Variants in DOCK8 observed in about 807,000 individuals in gnomAD.
DOCK8 encodes dedicator of cytokinesis 8.
A neutral mutation model predicts 245.6 loss-of-function variants in DOCK8; 141 were observed. The observed-to-expected ratio is 0.57, with a 90% CI of 0.50 to 0.66. The LOEUF (loss-of-function observed/expected upper bound fraction) is 0.66, where lower values mean the gene tolerates loss of function less well. DOCK8 is among the 30% of genes least tolerant of loss of function. DOCK8 has a pLI of 0.00. For synonymous variants in DOCK8, 1,168 were observed against 970.2 expected (o/e 1.20, Z -3.79); for missense variants, 2,965 against 2,603.4 (o/e 1.14, Z -3.02).
At chr9:236,193 T>C (rs183054956) in intron 1 of DOCK8, among the ~76,000 whole-genome samples, 21 of 152,306 alleles carry the variant, frequency 1.4e-4, no homozygotes, top group Admixed American at 1.4e-3. Context: ...TTCATCCTTA[T>C]GGTCACAGGA....
At chr9:378,353 AAGTC>A (rs2053601725) in intron 20 of DOCK8, among the ~76,000 whole-genome samples, 1 of 152,232 alleles carries the variant, frequency 6.6e-6, no homozygotes, top group African/African-American at 2.4e-5. Flanking sequence ...GTCAGGAAGA[AAGTC>A]AGTAGCACAG....
At chr9:258,262 A>G (rs1241001125) in intron 1 of DOCK8, among the ~76,000 whole-genome samples, 3 of 152,244 alleles carry the variant, frequency 2.0e-5, no homozygotes, top group South Asian at 4.1e-4. Flanking sequence ...TAAGTCACAC[A>G]GACATGCTGC....
intron 1 of DOCK8, among the ~76,000 whole-genome samples, chr9:223,867 C>T (rs1467792389): frequency 6.6e-6 from 1 of 151,912 alleles, no homozygotes; most frequent in African/African-American, 2.4e-5. Context: ...CCTGAGAGTA[C>T]TAACACAAAG....
At chr9:228,725 G>T (rs1587620716) in intron 1 of DOCK8, among the ~76,000 whole-genome samples, 1 of 152,148 alleles carries the variant, frequency 6.6e-6, no homozygotes, top group Non-Finnish European at 1.5e-5. Flanking sequence ...CCACCCCAAA[G>T]TTTAGTGACT....
rs1459765941 is a variant in DOCK8 at position 428,594 on chromosome 9, A to T, written c.4473+98A>T. On this transcript the variant is annotated intron_variant, in intron 35 of 47. Transcript: ENST00000432829. ...TCAGGTGGACCAAAAGTCACAGAGC[A>T]TATTAAGTGGCATCACAGTAAAGGT... The T allele has an allele frequency of 6.9e-6, 10 of 1,456,052 alleles. No homozygotes were observed. The Admixed American group carries it at 1.8e-4, about 26-fold the overall frequency. 90.2% of individuals were successfully genotyped at this position (1,456,052 alleles called of 1,614,324 possible). A position where few individuals can be genotyped will look rare whatever the true frequency, so the allele number is the denominator to read the frequency against.
chr9:460,566 T>C (rs1261399001), intron 46 of DOCK8: 1 of 152,254 alleles, frequency 6.6e-6, no homozygotes, highest in Non-Finnish European at 1.5e-5. Context: ...TTCTATTTCT[T>C]CCCTAAAACC....
chr9:291,316 A>T (rs2049027600), intron 4 of DOCK8, among the ~76,000 whole-genome samples: 1 of 152,106 alleles, frequency 6.6e-6, no homozygotes. Flanking sequence ...CTCTTTTTGG[A>T]ATACTCGTTG....
In DOCK8 at chr9:400,052, T is replaced by C. The variant is rs866469071; in HGVS notation, c.3234+793T>C. Among the ~76,000 whole-genome samples, 159 of 32,864 alleles carry C rather than the reference T, an allele frequency of 4.8e-3. 2 individuals carry two copies. The highest frequency in any genetic ancestry group is 0.013 in the African/African-American group (69 of 5,250). 21.6% of individuals were successfully genotyped at this position (32,864 alleles called of 152,430 possible). On this transcript the variant is annotated intron_variant, in intron 26 of 47. Coordinates refer to ENST00000432829, the MANE Select transcript of DOCK8 (RefSeq NM_203447.4). ...ACCATCACCACCACCACCTCCACCATCACCACCTCCTTCACCATCACCATC... is the reference window on the plus strand; with the variant it reads ...ACCATCACCACCACCACCTCCACCACCACCACCTCCTTCACCATCACCATC...
At chr9:313,118 A>C (rs1303592685) in intron 6 of DOCK8, among the ~76,000 whole-genome samples, 1 of 152,200 alleles carries the variant, frequency 6.6e-6, no homozygotes, top group African/African-American at 2.4e-5. Context: ...CAAGGAGGAC[A>C]ATAAAGGAAA....
chr9:262,233 A>G (rs1018246426), intron 1 of DOCK8, among the ~76,000 whole-genome samples: 11 of 152,038 alleles, frequency 7.2e-5, no homozygotes, highest in African/African-American at 2.7e-4. Context: ...GAAAAATACT[A>G]ACAACACCAA....
rs182402358 is a variant in DOCK8, at chr9:449,870, T to A, written c.5904T>A (p.Pro1968=). The A allele has an allele frequency of 8.7e-6, 14 of 1,613,870 alleles. No individual in the cohort carries two copies. The East Asian group carries it at 3.1e-4, about 36-fold the overall frequency. The change falls in exon 45 of 48, where the codon CCT becomes CCA. Residue 1968 remains proline (P), a synonymous_variant. Transcript: ENST00000432829. Reference sequence around the variant, plus strand: ...CAGTTGCCATTAACCAGGAGCCGCCTGATGCAAAGATGCTTCAGATGGTGC... The same window carrying A: ...CAGTTGCCATTAACCAGGAGCCGCCAGATGCAAAGATGCTTCAGATGGTGC... The part of the protein sequence containing the change: ...QLAVAINQEP[P]DAKMLQMVLQ...
At chr9:284,286 C>T (rs962803678) in intron 2 of DOCK8, 1 of 152,270 alleles carries the variant, frequency 6.6e-6, no homozygotes, top group Non-Finnish European at 1.5e-5. Flanking sequence ...CACCAGTGTC[C>T]TAATGCAAAC....
chr9:335,909 T>C (rs112830600), intron 11 of DOCK8, among the ~76,000 whole-genome samples: 12 of 152,304 alleles, frequency 7.9e-5, no homozygotes, highest in African/African-American at 2.6e-4. Context: ...CTAAGCAATT[T>C]GATTATTTAC....
intron 14 of DOCK8, among the ~76,000 whole-genome samples, chr9:346,446 T>A (rs1267216143): frequency 6.6e-6 from 1 of 152,100 alleles, no homozygotes; most frequent in Non-Finnish European, 1.5e-5. Context: ...GGCAATGAGG[T>A]TGTAATGAGC....
intron 1 of DOCK8, among the ~76,000 whole-genome samples, chr9:270,911 C>CAGAT (rs1242561344): frequency 1.3e-5 from 2 of 152,168 alleles, no homozygotes; most frequent in Non-Finnish European, 2.9e-5. Flanking sequence ...AAATGGCTAA[C>CAGAT]AGATAAGTGC....
chr9:457,484 A>G (rs1354225316), intron 46 of DOCK8, among the ~76,000 whole-genome samples: 1 of 152,224 alleles, frequency 6.6e-6, no homozygotes, highest in African/African-American at 2.4e-5. Context: ...TGAGTGGGAA[A>G]TAGAGAATTA....
intron 1 of DOCK8, among the ~76,000 whole-genome samples, chr9:216,510 G>C (rs2046755845): frequency 8.3e-6 from 1 of 120,734 alleles, no homozygotes; most frequent in Non-Finnish European, 1.6e-5. Context: ...CTGGGTGAGA[G>C]AGTGAAACCT....
chr9:302,503 A>G (rs2049599830), intron 4 of DOCK8, among the ~76,000 whole-genome samples: 1 of 152,268 alleles, frequency 6.6e-6, no homozygotes, highest in African/African-American at 2.4e-5. Flanking sequence ...GACAAGTGGG[A>G]CTTAATTAAA....
rs71314709 is a variant in DOCK8 at position 408,861 on chromosome 9, AACACACACAC to A, written c.3530+1809_3530+1818del. On this transcript the variant is annotated intron_variant, in intron 28 of 47. Transcript: ENST00000432829. ...TTTAATCAGGTAGATACATTCTTCA[AACACACACAC>A]ACACACACACACACACGCACACACG... 3.3e-3 allele frequency among the ~76,000 whole-genome samples: 485 copies of A among 147,518 alleles called. 1 individual carries two copies. The highest frequency in any genetic ancestry group is 0.012 in the South Asian group (57 of 4,746).
Sources: gnomAD v4.1 joint callset for allele counts (sites outside exome capture counted in the v4.1 genomes callset) on GRCh38, gnomAD v4.1.1 for gene constraint, MANE v1.5 for transcripts, NCBI Gene and HGNC (gene_info 2026-07-23, HGNC 2026-07-21) for gene names.